Variants in SUSD4 observed in about 807,000 individuals in gnomAD.
SUSD4 encodes sushi domain containing 4, also known as sushi domain-containing protein 4.
SUSD4 carries 41 observed loss-of-function variants against 50.5 expected under a neutral mutation model. The observed-to-expected ratio is 0.81, with a 90% CI of 0.63 to 1.05. SUSD4 has a LOEUF of 1.05. Ranked by LOEUF, SUSD4 falls within the 50% of genes least tolerant of loss-of-function variation. The probability of loss-of-function intolerance (pLI) is 0.00; values close to 1 mark genes in which losing one functional copy is unlikely to be tolerated. For synonymous variants in SUSD4, 257 were observed against 257.3 expected (o/e 1.00, Z 0.01); for missense variants, 580 against 634.7 (o/e 0.91, Z 0.93).
chr1:223,230,110 T>G (rs1659793696), intron 5 of SUSD4, among the ~76,000 whole-genome samples: 1 of 152,204 alleles, frequency 6.6e-6, no homozygotes, highest in African/African-American at 2.4e-5. Flanking sequence ...GACTCGAATA[T>G]CCCATCATGT....
intron 2 of SUSD4, among the ~76,000 whole-genome samples, chr1:223,329,901 AATGG>A (rs1207441197): frequency 1.3e-5 from 2 of 152,056 alleles, no homozygotes; most frequent in African/African-American, 2.4e-5. Flanking sequence ...AGTATAGATG[AATGG>A]ATGGATGAAC....
intron 2 of SUSD4, among the ~76,000 whole-genome samples, chr1:223,329,269 T>C (rs1333383075): frequency 6.6e-6 from 1 of 152,228 alleles, no homozygotes; most frequent in African/African-American, 2.4e-5. Flanking sequence ...GGATTATCAA[T>C]GGCCTTCATT....
At position 223,326,646 on chromosome 1, in the gene SUSD4, G is replaced by A. The variant is rs117028226; in HGVS notation, c.149-33995C>T. 7.6e-3 allele frequency among the ~76,000 whole-genome samples: 1,151 copies of A among 151,732 alleles called. 36 individuals carry two copies. The East Asian group carries it at 0.11, about 14-fold the overall frequency. On this transcript the variant is annotated intron_variant, in intron 2 of 8. Coordinates refer to ENST00000366878, the MANE Select transcript of SUSD4 (RefSeq NM_017982.4). ...ATCTACAAGAAACTCAAACAAATCCGCAAGAAAAAAACAAACAATCCTATT... is the reference window on the plus strand; with the variant it reads ...ATCTACAAGAAACTCAAACAAATCCACAAGAAAAAAACAAACAATCCTATT...
At chr1:223,289,825 T>C (rs1343143805) in intron 3 of SUSD4, among the ~76,000 whole-genome samples, 2 of 152,206 alleles carry the variant, frequency 1.3e-5, no homozygotes, top group African/African-American at 4.8e-5. Flanking sequence ...AAGGTGCTCT[T>C]GTGTAACAGA....
intron 4 of SUSD4, 148 bp downstream of exon 4, chr1:223,268,353 TA>T: frequency 2.9e-6 from 3 of 1,051,348 alleles, no homozygotes; most frequent in South Asian, 2.0e-5. Context: ...GCAATTGTAG[TA>T]AAGATGCAAC....
intron 2 of SUSD4, among the ~76,000 whole-genome samples, chr1:223,302,349 A>G (rs1665250194): frequency 6.6e-6 from 1 of 152,218 alleles, no homozygotes; most frequent in Non-Finnish European, 1.5e-5. Flanking sequence ...ATAAATGAAC[A>G]TGTCCAGTGA....
chr1:223,296,248 G>A (rs1388215820), intron 2 of SUSD4, among the ~76,000 whole-genome samples: 1 of 152,162 alleles, frequency 6.6e-6, no homozygotes, highest in Non-Finnish European at 1.5e-5. Flanking sequence ...GTGACCTCCT[G>A]GATGGGGGAG....
intron 2 of SUSD4, among the ~76,000 whole-genome samples, chr1:223,319,832 C>T (rs1666463123): frequency 6.6e-6 from 1 of 152,232 alleles, no homozygotes; most frequent in South Asian, 2.1e-4. Context: ...TGCTTCCCCT[C>T]CCTTACCTTT....
chr1:223,261,787 A>G (rs746903605), intron 5 of SUSD4, among the ~76,000 whole-genome samples: 1 of 152,326 alleles, frequency 6.6e-6, no homozygotes, highest in Non-Finnish European at 1.5e-5. Flanking sequence ...TTGAGATTTT[A>G]TATAAAACTC....
chr1:223,295,152 G>A (rs898537458), intron 2 of SUSD4, among the ~76,000 whole-genome samples: 2 of 152,202 alleles, frequency 1.3e-5, no homozygotes, highest in Non-Finnish European at 2.9e-5. Context: ...CAGATAGCTG[G>A]GATGAAGGCA....
At chr1:223,234,989 G>A (rs1303703374) in intron 5 of SUSD4, 1 of 1,600,618 alleles carries the variant, frequency 6.2e-7, no homozygotes, top group East Asian at 2.2e-5. Flanking sequence ...TGAGGAACAG[G>A]TAGGTGCTGG....
intron 4 of SUSD4, 113 bp from the exon 5 acceptor site, chr1:223,264,931 T>C: frequency 1.9e-6 from 2 of 1,065,182 alleles, no homozygotes; most frequent in Non-Finnish European, 2.6e-6. Context: ...AAGGTGAAAA[T>C]GGCACCACCT....
At chr1:223,324,932 A>C (rs1174568138) in intron 2 of SUSD4, among the ~76,000 whole-genome samples, 1 of 152,020 alleles carries the variant, frequency 6.6e-6, no homozygotes, top group East Asian at 1.9e-4. Flanking sequence ...ACCTAAGATC[A>C]ATGCACCGTA....
intron 2 of SUSD4, among the ~76,000 whole-genome samples, chr1:223,322,180 C>G (rs974589467): frequency 6.6e-6 from 1 of 152,102 alleles, no homozygotes; most frequent in East Asian, 1.9e-4. Flanking sequence ...GTGGGCGATA[C>G]GAAAATATCT....
At chr1:223,239,717 C>G (rs906825564) in intron 5 of SUSD4, among the ~76,000 whole-genome samples, 15 of 149,478 alleles carry the variant, frequency 1.0e-4, no homozygotes, top group African/African-American at 3.4e-4. Flanking sequence ...ATATAAGCGT[C>G]TGTGTGTGTG....
intron 2 of SUSD4, among the ~76,000 whole-genome samples, chr1:223,318,494 T>C (rs1666360978): frequency 8.8e-6 from 1 of 113,666 alleles, no homozygotes; most frequent in Non-Finnish European, 1.8e-5. Context: ...AGTGTTCCTA[T>C]TTCTCCACAT....
At chr1:223,240,437 C>T (rs1245259583) in intron 5 of SUSD4, among the ~76,000 whole-genome samples, 6 of 151,816 alleles carry the variant, frequency 4.0e-5, no homozygotes, top group Non-Finnish European at 8.8e-5. Flanking sequence ...ATATGTTTCA[C>T]CTTTTGTAGT....
At chr1:223,238,139 G>A (rs538036843) in intron 5 of SUSD4, among the ~76,000 whole-genome samples, 1 of 152,084 alleles carries the variant, frequency 6.6e-6, no homozygotes, top group African/African-American at 2.4e-5. Flanking sequence ...GCATACAGTT[G>A]TTCAGAGCAT....
At chr1:223,259,670 C>G (rs1229763343) in intron 5 of SUSD4, among the ~76,000 whole-genome samples, 1 of 152,140 alleles carries the variant, frequency 6.6e-6, no homozygotes, top group African/African-American at 2.4e-5. Flanking sequence ...TTCCTGCAAC[C>G]GCTCATAACC....
Sources: allele counts gnomAD v4.1 joint callset (sites outside exome capture counted in the v4.1 genomes callset), GRCh38; gene constraint gnomAD v4.1.1; transcripts MANE v1.5; gene names NCBI Gene and HGNC (gene_info 2026-07-23, HGNC 2026-07-21).